Variants in SLC4A10 observed in about 807,000 individuals in gnomAD.
The protein encoded by SLC4A10 is sodium-driven chloride bicarbonate exchanger.
In SLC4A10, 42 loss-of-function variants were observed where a neutral mutation model predicts 137.7. The observed-to-expected ratio is 0.30, with a 90% CI of 0.24 to 0.39. SLC4A10 has a LOEUF of 0.39. Ranked by LOEUF, SLC4A10 falls within the 10% of genes least tolerant of loss-of-function variation. SLC4A10 has a pLI of 1.00. For missense variants in SLC4A10, 925 were observed against 1,355.0 expected, an observed-to-expected ratio of 0.68 and a Z score of 4.98; for synonymous variants, 474 against 464.1, an observed-to-expected ratio of 1.02 and a Z score of -0.27.
intron 1 of SLC4A10, among the ~76,000 whole-genome samples, chr2:161,668,569 A>G (rs1330879685): frequency 1.3e-5 from 2 of 151,798 alleles, no homozygotes; most frequent in Non-Finnish European, 3.0e-5. Context: ...ATTAGATGAT[A>G]GTGTTTTATC....
chr2:161,834,807 A>G (rs1325074720), intron 3 of SLC4A10, among the ~76,000 whole-genome samples: 1 of 152,136 alleles, frequency 6.6e-6, no homozygotes, highest in Non-Finnish European at 1.5e-5. Context: ...GCATGGATAA[A>G]TAGATCAGAT....
intron 15 of SLC4A10, among the ~76,000 whole-genome samples, chr2:161,929,536 C>A (rs536935985): frequency 4.1e-4 from 62 of 152,264 alleles, no homozygotes; most frequent in Non-Finnish European, 8.1e-4. Context: ...AAGCTAGGGA[C>A]CCCTGACCAA....
intron 2 of SLC4A10, among the ~76,000 whole-genome samples, chr2:161,787,091 G>A (rs2053712559): frequency 6.6e-6 from 1 of 151,904 alleles, no homozygotes; most frequent in South Asian, 2.1e-4. Flanking sequence ...ACACCTTTGA[G>A]CATTTCTTAT....
At position 161,774,927 on chromosome 2, in the gene SLC4A10, C is replaced by T. The variant is rs75542468; in HGVS notation, c.130+3873C>T. On this transcript the variant is annotated intron_variant, in intron 2 of 26. Transcript: ENST00000446997. ...CATTTCCCTGTTCCCTGAATAGTAC[C>T]GATAGACGTACTTGGTAGTTGGCAG... Among the ~76,000 whole-genome samples, 10 of 151,918 alleles carry T rather than the reference C, an allele frequency of 6.6e-5. No homozygotes were observed. In the East Asian group the frequency reaches 1.9e-3, roughly 30 times the overall value.
rs75105676 is a variant in SLC4A10, at chr2:161,783,634, G to A, written c.130+12580G>A. On this transcript the variant is annotated intron_variant, in intron 2 of 26. Coordinates refer to ENST00000446997, the MANE Select transcript of SLC4A10 (RefSeq NM_001178015.2). ...AACTGTGACAACAATAACAAAATGT[G>A]TATGGGAAGGAGAGTAAAAAGAGGC... Among the ~76,000 whole-genome samples the A allele has an allele frequency of 6.1e-3, 933 of 151,952 alleles. 10 individuals carry two copies. Among genetic ancestry groups the A allele is most frequent in the African/African-American group, 0.021 (887 of 41,496 alleles).
intron 1 of SLC4A10, among the ~76,000 whole-genome samples, chr2:161,705,189 T>C (rs183642106): frequency 2.1e-4 from 32 of 151,658 alleles, no homozygotes; most frequent in African/African-American, 6.7e-4. Context: ...TAAGATATGG[T>C]ATATTTATAC....
intron 1 of SLC4A10, among the ~76,000 whole-genome samples, chr2:161,769,784 C>T (rs1449640): frequency 0.014 from 2,053 of 151,890 alleles, 23 homozygotes; most frequent in Non-Finnish European, 0.02. Flanking sequence ...CTCCCCCTCT[C>T]TCTGTTCTTT....
Position 161,894,726 on chromosome 2 carries a change from A to G in SLC4A10, c.1242A>G (p.Val414=), listed in dbSNP as rs377758339. The G allele has an allele frequency of 3.3e-5, 47 of 1,445,368 alleles. No homozygotes were observed. The highest frequency in any genetic ancestry group is 1.4e-4 in the African/African-American group (10 of 69,822). 89.5% of individuals were successfully genotyped at this position (1,445,368 alleles called of 1,614,324 possible). Residue 414 remains valine, a synonymous_variant, in exon 11 of 27, where the codon GTA becomes GTG. Transcript: ENST00000446997. The stretch of plus-strand genomic sequence containing the variant: ...AAGCTAAAGATCGTAATGACTTGGT[A>G]TCAGGAATTGATGAGTTTCTGGATC... ...AYKAKDRNDL[V]SGIDEFLDQV... is the part of the protein sequence containing the mutation.
chr2:161,836,603 A>C (rs1240767981), intron 3 of SLC4A10, among the ~76,000 whole-genome samples: 1 of 147,484 alleles, frequency 6.8e-6, no homozygotes, highest in African/African-American at 2.5e-5. Flanking sequence ...AAAGAAAGGA[A>C]GGAAGGAAAG....
chr2:161,639,873 C>G (rs2035028874), intron 1 of SLC4A10, among the ~76,000 whole-genome samples: 1 of 151,972 alleles, frequency 6.6e-6, no homozygotes, highest in Non-Finnish European at 1.5e-5. Flanking sequence ...TATGAAAAAC[C>G]CTACGCACTT....
chr2:161,689,286 C>G (rs889248027), intron 1 of SLC4A10, among the ~76,000 whole-genome samples: 7 of 152,164 alleles, frequency 4.6e-5, no homozygotes, highest in Non-Finnish European at 1.0e-4. Context: ...ACTCACCACT[C>G]GCTGACTCAC....
Position 161,904,095 on chromosome 2 carries a change from T to C in SLC4A10, c.1534T>C (p.Ser512Pro). The C allele has an allele frequency of 6.2e-7, 1 of 1,607,320 alleles. No homozygotes were observed. Among genetic ancestry groups the C allele is most frequent in the Non-Finnish European group, 8.5e-7 (1 of 1,176,548 alleles). Residue 512 changes from serine to proline, a missense_variant, in exon 13 of 27, where the codon TCT (serine) becomes CCT (proline). By Grantham distance (74) the Ser-to-Pro change is moderately conservative. Coordinates refer to ENST00000446997, the MANE Select transcript of SLC4A10 (RefSeq NM_001178015.2). ...RDAFSLQCLA[S>P]FLFLYCACMS... The stretch of plus-strand genomic sequence containing the variant: ...TGCTTTCAGCCTGCAGTGCTTAGCA[T>C]CTTTTCTATTTCTCTACTGCGCGTG...
chr2:161,740,742 T>C (rs2047797090), intron 1 of SLC4A10, among the ~76,000 whole-genome samples: 1 of 152,140 alleles, frequency 6.6e-6, no homozygotes. Context: ...GCATCTCCAA[T>C]TAATATAGCT....
At chr2:161,779,682 T>A (rs937818364) in intron 2 of SLC4A10, among the ~76,000 whole-genome samples, 11 of 152,008 alleles carry the variant, frequency 7.2e-5, no homozygotes, top group African/African-American at 2.7e-4. Flanking sequence ...GGTCCTCTAC[T>A]TTCTAATATT....
At chr2:161,842,062 C>A (rs1409604074) in intron 4 of SLC4A10, among the ~76,000 whole-genome samples, 1 of 152,066 alleles carries the variant, frequency 6.6e-6, no homozygotes, top group Non-Finnish European at 1.5e-5. Context: ...TATGGATGAA[C>A]TTTCATTTAT....
intron 1 of SLC4A10, among the ~76,000 whole-genome samples, chr2:161,652,949 C>G (rs1328415187): frequency 6.6e-6 from 1 of 151,966 alleles, no homozygotes; most frequent in Admixed American, 6.6e-5. Context: ...TTTGCTGCAT[C>G]CATCAACCCA....
intron 2 of SLC4A10, among the ~76,000 whole-genome samples, chr2:161,787,424 T>C (rs1294845166): frequency 6.6e-6 from 1 of 152,138 alleles, no homozygotes; most frequent in Non-Finnish European, 1.5e-5. Context: ...TATAGTATCT[T>C]GCAAGTGTTT....
chr2:161,828,878 T>C (rs867106199), intron 3 of SLC4A10, among the ~76,000 whole-genome samples: 1 of 145,604 alleles, frequency 6.9e-6, no homozygotes, highest in Non-Finnish European at 1.5e-5. Context: ...GGATTTCATC[T>C]TGAACTTCAG....
intron 10 of SLC4A10, among the ~76,000 whole-genome samples, chr2:161,885,882 C>T (rs1242759700): frequency 6.6e-6 from 1 of 152,124 alleles, no homozygotes; most frequent in Non-Finnish European, 1.5e-5. Context: ...GCGAGTGGAT[C>T]ACTTGATGTC....
Sources: allele counts gnomAD v4.1 joint callset (sites outside exome capture counted in the v4.1 genomes callset), GRCh38; gene constraint gnomAD v4.1.1; transcripts MANE v1.5; gene names NCBI Gene and HGNC (gene_info 2026-07-23, HGNC 2026-07-21).